The following DNM3 variants were observed in gnomAD, a reference collection of about 807,000 sequenced individuals.
DNM3 encodes dynamin 3.
A neutral mutation model predicts 101.6 loss-of-function variants in DNM3; 47 were observed. The ratio of observed to expected loss-of-function variants is 0.46; its 90% CI spans 0.37 to 0.59. The LOEUF (loss-of-function observed/expected upper bound fraction) is 0.59, where lower values mean the gene tolerates loss of function less well. Ranked by LOEUF, DNM3 falls within the 20% of genes least tolerant of loss-of-function variation. The pLI, the probability that DNM3 is intolerant of heterozygous loss-of-function variation, is 0.00. For synonymous variants in DNM3, 385 were observed against 387.9 expected (o/e 0.99, Z 0.09); for missense variants, 849 against 1,085.7 (o/e 0.78, Z 3.06).
At chr1:172,044,212 G>A (rs1234361337) in intron 8 of DNM3, among the ~76,000 whole-genome samples, 173 bp from the exon 9 acceptor site, 2 of 152,198 alleles carry the variant, frequency 1.3e-5, no homozygotes, top group Admixed American at 6.5e-5. Flanking sequence ...CTAGTGTTCT[G>A]TGTTGCCTTG....
chr1:172,406,622 G>A (rs1558101235), intron 20 of DNM3, among the ~76,000 whole-genome samples: 1 of 151,890 alleles, frequency 6.6e-6, no homozygotes, highest in Admixed American at 6.6e-5. Flanking sequence ...CTCCTGCTTT[G>A]ATTTTTCCTT....
chr1:172,052,940 C>G (rs2050309268), intron 10 of DNM3, among the ~76,000 whole-genome samples: 1 of 152,176 alleles, frequency 6.6e-6, no homozygotes, highest in Non-Finnish European at 1.5e-5. Flanking sequence ...TTACTTAAGG[C>G]CCTGAACATT....
chr1:172,094,946 T>C (rs922373024), intron 13 of DNM3, among the ~76,000 whole-genome samples: 5 of 152,230 alleles, frequency 3.3e-5, no homozygotes, highest in African/African-American at 7.2e-5. Context: ...ATAGCATATA[T>C]GCATACTTTA....
chr1:172,283,780 A>AAAAAAAAAAAAAAAAAAAAAAAG (rs1553221113), intron 15 of DNM3, among the ~76,000 whole-genome samples: 8 of 119,106 alleles, frequency 6.7e-5, no homozygotes, highest in African/African-American at 2.4e-4. Context: ...AAAAAAAAAA[A>AAAAAAAAAAAAAAAAAAAAAAAG]AAAGAAAGAA....
chr1:172,383,967 G>A (rs1039848064), intron 18 of DNM3, among the ~76,000 whole-genome samples: 1 of 152,170 alleles, frequency 6.6e-6, no homozygotes, highest in Admixed American at 6.5e-5. Context: ...ACTTTGTTAT[G>A]TTAGGTGAAG....
At chr1:171,971,680 G>C (rs778896867) in intron 2 of DNM3, among the ~76,000 whole-genome samples, 23 of 152,018 alleles carry the variant, frequency 1.5e-4, no homozygotes, top group Admixed American at 2.0e-4. Context: ...AACCTAAGAA[G>C]CACAATGTGT....
chr1:172,286,909 A>G (rs1370939174), intron 15 of DNM3, among the ~76,000 whole-genome samples: 1 of 152,228 alleles, frequency 6.6e-6, no homozygotes, highest in African/African-American at 2.4e-5. Flanking sequence ...TCTTGCTCAT[A>G]CTTCAACTCC....
intron 18 of DNM3, chr1:172,380,895 T>C (rs1002834695): frequency 6.6e-6 from 1 of 150,656 alleles, no homozygotes; most frequent in Non-Finnish European, 1.5e-5. Context: ...GCTGCTTTGC[T>C]CTGCACTATA....
At chr1:171,942,351 C>A (rs2041876032) in intron 2 of DNM3, among the ~76,000 whole-genome samples, 1 of 151,556 alleles carries the variant, frequency 6.6e-6, no homozygotes, top group Non-Finnish European at 1.5e-5. Context: ...TTATAAGTTG[C>A]TGAAATGAAA....
rs1234958786 is a variant in DNM3 at position 172,319,668 on chromosome 1, A to G, written c.1882-3661A>G. Among the ~76,000 whole-genome samples, 16 of 152,368 alleles carry G rather than the reference A, an allele frequency of 1.1e-4. No homozygotes were observed. The East Asian group carries it at 2.9e-3, about 28-fold the overall frequency. ...ACTGGCCATCAGAGAAATGCAAATC[A>G]AAACCACAATGAGATACCATCTCAC... On this transcript the variant is annotated intron_variant, in intron 16 of 20. Transcript: ENST00000627582.
chr1:172,033,982 T>TCAG (rs1331621782), intron 6 of DNM3, among the ~76,000 whole-genome samples: 1 of 152,188 alleles, frequency 6.6e-6, no homozygotes, highest in Non-Finnish European at 1.5e-5. Context: ...CTTAATGTGA[T>TCAG]CAGCAGCCTT....
chr1:172,248,930 T>G (rs919629605), intron 14 of DNM3, among the ~76,000 whole-genome samples: 3 of 152,160 alleles, frequency 2.0e-5, no homozygotes, highest in Admixed American at 1.3e-4. Context: ...AAGGAAGGAC[T>G]CATAGTCTTA....
rs77040094 is a variant in DNM3, at chr1:172,096,825, A to G, written c.1545+3950A>G. 1.4e-3 allele frequency among the ~76,000 whole-genome samples: 212 copies of G among 152,332 alleles called. 1 individual carries two copies. The highest frequency in any genetic ancestry group is 5.0e-3 in the African/African-American group (206 of 41,582). On this transcript the variant is annotated intron_variant, in intron 13 of 20. Coordinates refer to ENST00000627582, the MANE Select transcript of DNM3 (RefSeq NM_015569.5). The stretch of plus-strand genomic sequence containing the variant: ...AGGGAAGGGAACTCAACTGATTTTT[A>G]TATTAGAAAGGTCTGTAATGGAATA...
intron 16 of DNM3, among the ~76,000 whole-genome samples, chr1:172,322,452 C>G (rs886988120): frequency 6.6e-6 from 1 of 152,172 alleles, no homozygotes; most frequent in Non-Finnish European, 1.5e-5. Flanking sequence ...TAATGAATCA[C>G]CGTCTTATTT....
intron 1 of DNM3, among the ~76,000 whole-genome samples, chr1:171,859,610 C>T (rs1444012714): frequency 6.6e-6 from 1 of 152,026 alleles, no homozygotes; most frequent in East Asian, 1.9e-4. Context: ...TCTTAAGCAC[C>T]AGAAAGACAG....
intron 17 of DNM3, among the ~76,000 whole-genome samples, chr1:172,359,228 G>A (rs1324493077): frequency 6.6e-6 from 1 of 151,442 alleles, no homozygotes; most frequent in Non-Finnish European, 1.5e-5. Context: ...GTTGTTTTTG[G>A]CTTGAGGCCG....
At chr1:172,407,743 T>C in intron 20 of DNM3, 29 bp from the exon 21 acceptor site, 1 of 1,607,074 alleles carries the variant, frequency 6.2e-7, no homozygotes, top group Non-Finnish European at 8.5e-7. Context: ...TCTACTTGTT[T>C]CTTTACCTTT....
chr1:172,082,322 C>A (rs1047974939), intron 12 of DNM3, among the ~76,000 whole-genome samples: 1 of 148,610 alleles, frequency 6.7e-6, no homozygotes, highest in Admixed American at 6.7e-5. Flanking sequence ...AATCTAGAGG[C>A]CTGTTTTTTT....
chr1:171,896,931 C>T (rs1424116910), intron 1 of DNM3, among the ~76,000 whole-genome samples: 1 of 152,082 alleles, frequency 6.6e-6, no homozygotes, highest in Non-Finnish European at 1.5e-5. Context: ...GAAAAATTTG[C>T]TCCCTTAATT....
Sources: allele counts gnomAD v4.1 joint callset (sites outside exome capture counted in the v4.1 genomes callset), GRCh38; gene constraint gnomAD v4.1.1; transcripts MANE v1.5; gene names NCBI Gene and HGNC (gene_info 2026-07-23, HGNC 2026-07-21).